MOK: variants seen among roughly 807,000 people sequenced by gnomAD.
MOK encodes MOK protein kinase.
A neutral mutation model predicts 54.2 loss-of-function variants in MOK; 59 were observed. The observed-to-expected ratio is 1.09, with a 90% CI of 0.88 to 1.35. The LOEUF (loss-of-function observed/expected upper bound fraction) is 1.35, where lower values mean the gene tolerates loss of function less well. Among genes scored for constraint, MOK ranks in the 40% most tolerant of loss-of-function variants. MOK has a pLI of 0.00. For missense variants in MOK, 517 were observed against 526.2 expected (o/e 0.98, Z 0.17); for synonymous variants, 210 against 202.7 (o/e 1.04, Z -0.31).
At chr14:102,291,654 T>C (rs1190823022) in intron 1 of MOK, among the ~76,000 whole-genome samples, 1 of 152,160 alleles carries the variant, frequency 6.6e-6, no homozygotes, top group Non-Finnish European at 1.5e-5. Context: ...GGGACTTCTC[T>C]CCTTAGAAAG....
intron 2 of MOK, among the ~76,000 whole-genome samples, chr14:102,282,980 G>C (rs2153170012): frequency 6.7e-6 from 1 of 150,372 alleles, no homozygotes; most frequent in South Asian, 2.1e-4. Context: ...CTTGAACTGG[G>C]GTGGCGGAGG....
At chr14:102,260,669 T>G (rs1339751094) in intron 4 of MOK, 3 of 152,284 alleles carry the variant, frequency 2.0e-5, no homozygotes, top group Non-Finnish European at 4.4e-5. Context: ...ACACACTGCC[T>G]GGCCTATGGA....
downstream of MOK, among the ~76,000 whole-genome samples, chr14:102,228,375 C>T (rs1824441382): frequency 1.3e-5 from 2 of 152,186 alleles, no homozygotes; most frequent in Non-Finnish European, 1.5e-5. Flanking sequence ...GTGTGTGTTC[C>T]TTTCTGAATG....
In MOK at chr14:102,232,863, G is replaced by T; in HGVS notation, c.693-155C>A. The T allele has an allele frequency of 1.7e-6, 1 of 590,714 alleles. No individual in the cohort carries two copies. Among genetic ancestry groups the T allele is most frequent in the Non-Finnish European group, 2.9e-6 (1 of 342,676 alleles). The allele number at this position is 590,714 out of a possible 1,614,324, so 36.6% of individuals were successfully genotyped here. A position where few individuals can be genotyped will look rare whatever the true frequency, so the allele number is the denominator to read the frequency against. On this transcript the variant is annotated intron_variant, in intron 8 of 11. Coordinates refer to ENST00000361847, the MANE Select transcript of MOK (RefSeq NM_014226.3). This position sits in a 1 kb window ranked among gnomAD's most constrained non-coding sequence, Gnocchi z 5.1. ...CCACAGAACGTGCACCACCAAGAGGGACCCCTGATGTAAATGATGGGCTCT... is the reference window on the plus strand; with the variant it reads ...CCACAGAACGTGCACCACCAAGAGGTACCCCTGATGTAAATGATGGGCTCT...
At chr14:102,251,072 C>T in intron 6 of MOK, 82 bp from the exon 7 acceptor site, 1 of 1,457,068 alleles carries the variant, frequency 6.9e-7, no homozygotes, top group South Asian at 1.3e-5. Context: ...ATTTATGCAC[C>T]AGCAGGAAAA....
At chr14:102,239,804 G>A (rs2065557744) in intron 7 of MOK, among the ~76,000 whole-genome samples, 1 of 152,212 alleles carries the variant, frequency 6.6e-6, no homozygotes, top group African/African-American at 2.4e-5. Flanking sequence ...GGGAGGCAAA[G>A]GTTGCAGTGA....
downstream of MOK, among the ~76,000 whole-genome samples, chr14:102,226,699 G>A (rs549306914): frequency 3.9e-5 from 6 of 152,320 alleles, no homozygotes; most frequent in East Asian, 5.8e-4. This position sits in a 1 kb window ranked among gnomAD's most constrained non-coding sequence, Gnocchi z 4.8. Flanking sequence ...AGTGCAGGGC[G>A]GGAAGTCCAA....
Position 102,229,538 on chromosome 14 carries a change from CGT to C in MOK, c.1099_1100del (p.Thr367AlafsTer35), listed in dbSNP as rs756380189. 9.4e-5 allele frequency: 152 copies of C among 1,614,046 alleles called. No individual in the cohort carries two copies. The highest frequency in any genetic ancestry group is 1.2e-4 in the Non-Finnish European group (139 of 1,180,036). ...VVRLSSYSSP[T>X]LQSVLGSGTN... The stretch of plus-strand genomic sequence containing the variant: ...TTCCAGATCCAAGCACGGACTGCAG[CGT>C]GGGGCTGGAGTAAGACGACAGTCTG... On this transcript the variant is annotated frameshift_variant, in exon 11 of 12. Coordinates refer to ENST00000361847, the MANE Select transcript of MOK (RefSeq NM_014226.3). LOFTEE classifies it high-confidence loss of function.
intron 1 of MOK, among the ~76,000 whole-genome samples, chr14:102,304,472 AC>A (rs201662287): frequency 0.01 from 1,549 of 152,238 alleles, 26 homozygotes; most frequent in African/African-American, 0.036. Context: ...CTACTGCTTG[AC>A]CCAAAAAATA....
intron 1 of MOK, among the ~76,000 whole-genome samples, chr14:102,300,152 G>T (rs756765269): frequency 6.6e-6 from 1 of 151,706 alleles, no homozygotes; most frequent in Non-Finnish European, 1.5e-5. Flanking sequence ...GGTGAAACCC[G>T]ATCTCTACTA....
chr14:102,241,308 TCCTCAGCCTCCACTCCC>T (rs1331839141), intron 7 of MOK, among the ~76,000 whole-genome samples: 1 of 152,100 alleles, frequency 6.6e-6, no homozygotes, highest in African/African-American at 2.4e-5. Flanking sequence ...TCTCAATTCT[TCCTCAGCCTCCACTCCC>T]CCACCCTATA....
chr14:102,224,283 G>A (rs1041356111), downstream of MOK, among the ~76,000 whole-genome samples: 7 of 151,664 alleles, frequency 4.6e-5, no homozygotes, highest in African/African-American at 1.5e-4. Flanking sequence ...CTCGTGATCC[G>A]CCTGCCTTGG....
chr14:102,231,554 A>G lies in MOK; in HGVS notation c.981+153T>C. ...GGGTCCCTGATGTCCCAACACATGG[A>G]GCCATCAACTCGCATGCTGTTCAGG... is the stretch of plus-strand genomic sequence containing the variant. On this transcript the variant is annotated intron_variant, in intron 10 of 11. Transcript: ENST00000361847. The surrounding 1 kb of genome is among the most constrained non-coding windows in gnomAD (Gnocchi z 4.4). The G allele has an allele frequency of 1.6e-6, 1 of 643,678 alleles. No individual in the cohort carries two copies. Among genetic ancestry groups the G allele is most frequent in the Non-Finnish European group, 2.8e-6 (1 of 359,904 alleles). The allele number at this position is 643,678 out of a possible 1,614,324, so 39.9% of individuals were successfully genotyped here. A position where few individuals can be genotyped will look rare whatever the true frequency, so the allele number is the denominator to read the frequency against.
At chr14:102,229,690 A>G (rs922980956) in intron 10 of MOK, 33 bp from the exon 11 acceptor site, 1 of 1,546,490 alleles carries the variant, frequency 6.5e-7, no homozygotes, top group Non-Finnish European at 8.7e-7. Flanking sequence ...TTGGACATAA[A>G]ACGCTTTCTG....
At chr14:102,255,480 TG>T (rs2066876721) in intron 4 of MOK, among the ~76,000 whole-genome samples, 2 of 152,162 alleles carry the variant, frequency 1.3e-5, no homozygotes, top group African/African-American at 4.8e-5. Flanking sequence ...CTTGCCTCCC[TG>T]GGTCTCCTCC....
chr14:102,215,610 C>T, the MOK span, among the ~76,000 whole-genome samples: 1 of 152,136 alleles, frequency 6.6e-6, no homozygotes, highest in African/African-American at 2.4e-5. Context: ...TCCTTATGCT[C>T]TCCCTCCCCT....
downstream of MOK, among the ~76,000 whole-genome samples, chr14:102,227,888 T>C (rs1236487065): frequency 6.6e-6 from 1 of 152,186 alleles, no homozygotes; most frequent in Non-Finnish European, 1.5e-5. Flanking sequence ...CAGATTTGTC[T>C]CAACAGGGGA....
intron 1 of MOK, among the ~76,000 whole-genome samples, chr14:102,288,330 T>C (rs1346542410): frequency 2.0e-5 from 3 of 152,200 alleles, no homozygotes; most frequent in Non-Finnish European, 4.4e-5. Context: ...GGTCTATCCA[T>C]ACAATGGAAT....
At chr14:102,261,966 G>A (rs1374520063) in intron 4 of MOK, among the ~76,000 whole-genome samples, 2 of 144,212 alleles carry the variant, frequency 1.4e-5, no homozygotes, top group Non-Finnish European at 3.0e-5. Flanking sequence ...TCAGCCTCCC[G>A]AGTAGCTGGG....
Sources: allele counts gnomAD v4.1 joint callset (sites outside exome capture counted in the v4.1 genomes callset), GRCh38; gene constraint gnomAD v4.1.1; non-coding constraint Gnocchi (gnomAD v3.1); transcripts MANE v1.5; gene names NCBI Gene and HGNC (gene_info 2026-07-23, HGNC 2026-07-21).